JAML: variants seen among roughly 807,000 people sequenced by gnomAD.
The protein encoded by JAML is junctional adhesion molecule-like.
A neutral mutation model predicts 39.3 loss-of-function variants in JAML; 25 were observed. The ratio of observed to expected loss-of-function variants is 0.64; its 90% CI spans 0.46 to 0.89. The LOEUF (loss-of-function observed/expected upper bound fraction) is 0.89, where lower values mean the gene tolerates loss of function less well. Ranked by LOEUF, JAML falls within the 40% of genes least tolerant of loss-of-function variation. JAML has a pLI of 0.00. For missense variants in JAML, 440 were observed against 486.9 expected (o/e 0.90, Z 0.91); for synonymous variants, 162 against 179.2 (o/e 0.90, Z 0.77).
intron 4 of JAML, chr11:118,209,311 G>A (rs1948993541): frequency 6.2e-6 from 1 of 162,376 alleles, no homozygotes; most frequent in Admixed American, 6.4e-5. Flanking sequence ...ATCTTACCTG[G>A]CAGCCCAATG....
chr11:118,200,827 G>A, intron 6 of JAML: 1 of 493,642 alleles, frequency 2.0e-6, no homozygotes, highest in Non-Finnish European at 3.6e-6. Context: ...TAAGGTGGGT[G>A]GGAGAAGAGG....
intron 2 of JAML, chr11:118,212,906 T>TC (rs764862666): frequency 6.2e-7 from 1 of 1,614,234 alleles, no homozygotes; most frequent in South Asian, 1.1e-5. Context: ...GAAACTCACC[T>TC]CCACTTACCA....
intron 4 of JAML, 130 bp from the exon 5 acceptor site, chr11:118,206,121 C>T (rs756878980): frequency 9.0e-5 from 65 of 724,082 alleles, no homozygotes; most frequent in Non-Finnish European, 1.4e-4. Context: ...AAACACTGTA[C>T]GTATTCCCTC....
In JAML at chr11:118,205,932, C is replaced by A. The variant is rs1565478789; in HGVS notation, c.484G>T (p.Val162Leu). 2 of 1,614,186 alleles carry A rather than the reference C, an allele frequency of 1.2e-6. No individual in the cohort carries two copies. Among genetic ancestry groups the A allele is most frequent in the Non-Finnish European group, 1.7e-6 (2 of 1,180,008 alleles). The change falls in exon 5 of 10, where the codon GTG becomes TTG. Residue 162 changes from valine (V) to leucine (L), a missense_variant. Transcript: ENST00000356289. ...CATTCTACCTTGGTCACGTGTTTCA[C>A]TTCTGTGCTCTGGAAAACACATCCC... ...QMGCVFQSTE[V>L]KHVTKVEWIF...
intron 1 of JAML, among the ~76,000 whole-genome samples, chr11:118,218,156 C>A (rs755736374): frequency 5.3e-5 from 8 of 152,136 alleles, no homozygotes; most frequent in Non-Finnish European, 1.0e-4. Flanking sequence ...TGCAATGGCA[C>A]GATCTCAGCT....
At chr11:118,214,392 T>C (rs1403772147) in intron 2 of JAML, among the ~76,000 whole-genome samples, 1 of 152,034 alleles carries the variant, frequency 6.6e-6, no homozygotes, top group Non-Finnish European at 1.5e-5. Context: ...CACCATAAAT[T>C]GGGAAAGAGC....
Position 118,210,697 on chromosome 11 carries a change from A to T in JAML, c.214T>A (p.Tyr72Asn). The T allele has an allele frequency of 6.2e-7, 1 of 1,614,158 alleles. No homozygotes were observed. The highest frequency in any genetic ancestry group is 8.5e-7 in the Non-Finnish European group (1 of 1,179,970). ...GEHAKDEYVLYYYSNLSVPIG... is the reference protein window; with the variant it reads ...GEHAKDEYVLNYYSNLSVPIG... ...GGCACACTGAGATTGGAGTAATAGT[A>T]TAGCACATATTCGTCCTGAAGGGCA... The change falls in exon 4 of 10, where the codon TAC (tyrosine) becomes AAC (asparagine). Residue 72 changes from tyrosine (Y) to asparagine (N), a missense_variant. Physicochemically the swap from Tyr to Asn is moderately radical, Grantham distance 143. Coordinates refer to ENST00000356289, the MANE Select transcript of JAML (RefSeq NM_001098526.2).
At chr11:118,214,915 A>G (rs776734191) in intron 1 of JAML, 29 bp from the exon 2 acceptor site, 1 of 1,593,740 alleles carries the variant, frequency 6.3e-7, no homozygotes, top group Non-Finnish European at 8.6e-7. Context: ...AAATCACAAA[A>G]TCATGTCAAG....
intron 2 of JAML, 176 bp from the exon 3 acceptor site, chr11:118,212,737 G>T: frequency 6.5e-7 from 1 of 1,528,834 alleles, no homozygotes; most frequent in South Asian, 1.3e-5. Flanking sequence ...TTACCTATAT[G>T]GCTCATCAGA....
At chr11:118,214,723 A>G (rs1949117653) in intron 2 of JAML, 101 bp downstream of exon 2, 1 of 1,296,220 alleles carries the variant, frequency 7.7e-7, no homozygotes. Context: ...TCCATCTTCA[A>G]CAAACCCAAG....
chr11:118,217,579 G>T (rs1163986895), intron 1 of JAML, among the ~76,000 whole-genome samples: 1 of 152,122 alleles, frequency 6.6e-6, no homozygotes, highest in Non-Finnish European at 1.5e-5. Flanking sequence ...GAAAATCACC[G>T]GGCCTTGTTT....
chr11:118,196,928 T>A, intron 8 of JAML, 107 bp from the exon 9 acceptor site: 1 of 853,336 alleles, frequency 1.2e-6, no homozygotes, highest in Non-Finnish European at 2.0e-6. Flanking sequence ...CCCAAACTGC[T>A]GGTTCAGAGG....
intron 4 of JAML, among the ~76,000 whole-genome samples, chr11:118,206,604 A>G (rs1055349272): frequency 5.3e-5 from 8 of 152,124 alleles, no homozygotes; most frequent in Non-Finnish European, 1.2e-4. Flanking sequence ...GGTACAAGTC[A>G]CAGGACTCCT....
intron 8 of JAML, 119 bp from the exon 9 acceptor site, chr11:118,196,940 T>C: frequency 1.3e-6 from 1 of 741,860 alleles, no homozygotes; most frequent in Non-Finnish European, 2.4e-6. Context: ...GTTCAGAGGG[T>C]TACTGAGACC....
rs1486546813 is a variant in JAML, at chr11:118,214,849, T to C, written c.18A>G (p.Lys6=). ...CCAGTAACACTGGCAGCAGGATGAGTTTCAGTGGGCAAAACATGCTGCTCT... is the reference window on the plus strand; with the variant it reads ...CCAGTAACACTGGCAGCAGGATGAGCTTCAGTGGGCAAAACATGCTGCTCT... MFCPL[K]LILLPVLLDY... is the part of the protein sequence containing the mutation. The change falls in exon 2 of 10, where the codon AAA becomes AAG. Residue 6 remains lysine (K), a synonymous_variant. Transcript: ENST00000356289. 1 of 1,614,020 alleles carries C rather than the reference T, an allele frequency of 6.2e-7. No homozygotes were observed.
intron 9 of JAML, among the ~76,000 whole-genome samples, 196 bp downstream of exon 9, chr11:118,196,539 C>A (rs1029371881): frequency 1.3e-5 from 2 of 152,156 alleles, no homozygotes; most frequent in Admixed American, 6.6e-5. Context: ...CTGGTGATAA[C>A]CTTTAATCCT....
chr11:118,210,448 C>T (rs778862433), intron 4 of JAML, 39 bp downstream of exon 4: 1 of 1,603,438 alleles, frequency 6.2e-7, no homozygotes, highest in Non-Finnish European at 8.5e-7. Flanking sequence ...CATGAAAGCT[C>T]TTGCCCCTTG....
At chr11:118,209,115 G>T in intron 4 of JAML, 1 of 319,052 alleles carries the variant, frequency 3.1e-6, no homozygotes, top group Non-Finnish European at 6.3e-6. Context: ...TTCTACAGTT[G>T]CTTGCAATAC....
chr11:118,196,370 C>T lies in JAML; in HGVS notation c.1092+365G>A, dbSNP rs111667064. Among the ~76,000 whole-genome samples, 1,048 of 152,174 alleles carry T rather than the reference C, an allele frequency of 6.9e-3. 12 individuals are homozygous for T. Among genetic ancestry groups the T allele is most frequent in the African/African-American group, 0.024 (994 of 41,498 alleles). On this transcript the variant is annotated intron_variant, in intron 9 of 9. Transcript: ENST00000356289. ...CTTGAACTCCTGGCCTCAAGCAATC[C>T]GCCCACCTCGGCCTCCCAAAGTGCT... is the stretch of plus-strand genomic sequence containing the variant.
Sources: allele counts gnomAD v4.1 joint callset (sites outside exome capture counted in the v4.1 genomes callset), GRCh38; gene constraint gnomAD v4.1.1; transcripts MANE v1.5; gene names NCBI Gene and HGNC (gene_info 2026-07-23, HGNC 2026-07-21).